ENOSF1: variants seen among roughly 807,000 people sequenced by gnomAD.
The protein encoded by ENOSF1 is mitochondrial enolase superfamily member 1.
ENOSF1 carries 73 observed loss-of-function variants against 68.2 expected under a neutral mutation model. The ratio of observed to expected loss-of-function variants is 1.07; its 90% CI spans 0.89 to 1.30. The LOEUF is 1.30. Among genes scored for constraint, ENOSF1 ranks in the 50% most tolerant of loss-of-function variants. The pLI, the probability that ENOSF1 is intolerant of heterozygous loss-of-function variation, is 0.00. For missense variants in ENOSF1, 589 were observed against 554.5 expected (o/e 1.06, Z -0.62); for synonymous variants, 223 against 210.4 (o/e 1.06, Z -0.52).
intron 2 of ENOSF1, among the ~76,000 whole-genome samples, chr18:701,184 C>CT (rs2078303564): frequency 6.6e-6 from 1 of 152,076 alleles, no homozygotes; most frequent in South Asian, 2.1e-4. Context: ...CTTTGTACAT[C>CT]TTTTTCTATT....
downstream of ENOSF1, among the ~76,000 whole-genome samples, chr18:666,724 G>A (rs924104475): frequency 1.3e-5 from 2 of 152,240 alleles, no homozygotes; most frequent in African/African-American, 2.4e-5. Flanking sequence ...TCTGTTAAAT[G>A]TTAGCAACTT....
downstream of ENOSF1, among the ~76,000 whole-genome samples, chr18:667,077 AGATGGT>A (rs1253862846): frequency 9.8e-5 from 4 of 40,750 alleles, 1 homozygote; most frequent in African/African-American, 4.8e-4. Flanking sequence ...ATGGTGATGG[AGATGGT>A]GATGGTGATG....
Position 682,138 on chromosome 18 carries a change from T to C in ENOSF1, c.876+1108A>G, listed in dbSNP as rs796480903. Among the ~76,000 whole-genome samples the C allele has an allele frequency of 2.0e-4, 30 of 152,308 alleles. 1 individual carries two copies. Among genetic ancestry groups the C allele is most frequent in the African/African-American group, 7.2e-4 (30 of 41,572 alleles). On this transcript the variant is annotated intron_variant, in intron 11 of 15. Coordinates refer to ENST00000647584, the MANE Select transcript of ENOSF1 (RefSeq NM_017512.7). ...AGGATGTGGCTATAAGCCACATGAATGTACAGTCGTGTCACTGAATGACAA... is the reference window on the plus strand; with the variant it reads ...AGGATGTGGCTATAAGCCACATGAACGTACAGTCGTGTCACTGAATGACAA...
At chr18:704,988 AC>A (rs2078779563) in intron 2 of ENOSF1, among the ~76,000 whole-genome samples, 2 of 152,194 alleles carry the variant, frequency 1.3e-5, no homozygotes, top group Non-Finnish European at 2.9e-5. Flanking sequence ...TTGCTGGACA[AC>A]TGACCGCCAG....
chr18:688,539 C>T (rs1568063727), intron 9 of ENOSF1, 35 bp downstream of exon 9: 1 of 1,613,854 alleles, frequency 6.2e-7, no homozygotes, highest in Admixed American at 1.7e-5. Context: ...TCTCCTGCCG[C>T]CAACTGGGAA....
At chr18:693,814 A>G (rs2077444566) in intron 5 of ENOSF1, 68 bp downstream of exon 5, 1 of 1,606,888 alleles carries the variant, frequency 6.2e-7, no homozygotes, top group African/African-American at 1.3e-5. Flanking sequence ...CTGATCATCA[A>G]AAGGCATGTC....
chr18:688,332 C>T (rs189877950), intron 9 of ENOSF1: 25 of 508,706 alleles, frequency 4.9e-5, no homozygotes, highest in African/African-American at 2.9e-4. Flanking sequence ...GGTTAGTGCC[C>T]GAAATAAACA....
Position 670,594 on chromosome 18 carries a change from A to C in ENOSF1, c.*3711T>G. The C allele has an allele frequency of 7.5e-7, 1 of 1,341,344 alleles. No individual in the cohort carries two copies. Among genetic ancestry groups the C allele is most frequent in the Non-Finnish European group, 1.0e-6 (1 of 962,538 alleles). 83.1% of individuals were successfully genotyped at this position (1,341,344 alleles called of 1,614,324 possible). A position where few individuals can be genotyped will look rare whatever the true frequency, so the allele number is the denominator to read the frequency against. ...GTGGCTCTCTCTCCTGGTCTCCACC[A>C]TATGAGTTGGCTTCTGTTTCTCTCC... is the stretch of plus-strand genomic sequence containing the variant. On this transcript the variant is annotated 3_prime_UTR_variant, in exon 16 of 16. Coordinates refer to ENST00000647584, the MANE Select transcript of ENOSF1 (RefSeq NM_017512.7).
intron 8 of ENOSF1, 128 bp from the exon 9 acceptor site, chr18:688,736 G>C: frequency 1.3e-6 from 1 of 786,932 alleles, no homozygotes; most frequent in East Asian, 2.7e-5. Flanking sequence ...CCCATGTGTT[G>C]TTGAAATTAA....
chr18:674,570 G>A (rs1195693922), intron 15 of ENOSF1, among the ~76,000 whole-genome samples, 164 bp from the exon 16 acceptor site: 1 of 152,046 alleles, frequency 6.6e-6, no homozygotes, highest in Non-Finnish European at 1.5e-5. Flanking sequence ...CCAGGCTGCA[G>A]TGCAGTGGCG....
chr18:710,724 T>A (rs1438438389), intron 1 of ENOSF1, among the ~76,000 whole-genome samples: 1 of 152,202 alleles, frequency 6.6e-6, no homozygotes, highest in African/African-American at 2.4e-5. Context: ...TACAGGTATC[T>A]CATTTACATG....
At chr18:677,593 A>G in intron 13 of ENOSF1, 149 bp from the exon 14 acceptor site, 1 of 1,304,948 alleles carries the variant, frequency 7.7e-7, no homozygotes, top group Non-Finnish European at 1.1e-6. Flanking sequence ...AAATCATCAA[A>G]AATTCCCGGA....
In ENOSF1 at chr18:691,097, T is replaced by C. The variant is rs757436341; in HGVS notation, c.506A>G (p.Gln169Arg). 1 of 1,614,240 alleles carries C rather than the reference T, an allele frequency of 6.2e-7. No homozygotes were observed. The highest frequency in any genetic ancestry group is 1.1e-5 in the South Asian group (1 of 91,078). The change falls in exon 7 of 16, where the codon CAG (glutamine) becomes CGG (arginine). Residue 169 changes from glutamine to arginine, a missense_variant. By Grantham distance (43) the Gln-to-Arg change is conservative. Coordinates refer to ENST00000647584, the MANE Select transcript of ENOSF1 (RefSeq NM_017512.7). ...TTCTTTTTTACCAATTTGACCTTTC[T>C]GCAGTATTTCTGGAAGAAATAAAAA... ...LTEEDALEIL[Q>R]KGQIGKKERE...
At chr18:692,460 T>G (rs2077280250) in intron 5 of ENOSF1, 1 of 154,242 alleles carries the variant, frequency 6.5e-6, no homozygotes, top group African/African-American at 2.4e-5. Flanking sequence ...TACAAAAAAT[T>G]AGCTGGGCAT....
At chr18:690,398 G>A in intron 8 of ENOSF1, 151 bp downstream of exon 8, 2 of 801,352 alleles carry the variant, frequency 2.5e-6, no homozygotes, top group South Asian at 1.6e-5. Flanking sequence ...GGTGTCCACA[G>A]AGAAGTGGAG....
At chr18:704,007 T>C (rs2078654413) in intron 2 of ENOSF1, among the ~76,000 whole-genome samples, 1 of 152,174 alleles carries the variant, frequency 6.6e-6, no homozygotes, top group Non-Finnish European at 1.5e-5. Context: ...ACCATGATTG[T>C]AAGTGTCCTG....
At chr18:674,957 G>A (rs1404473185) in intron 15 of ENOSF1, among the ~76,000 whole-genome samples, 1 of 152,226 alleles carries the variant, frequency 6.6e-6, no homozygotes, top group African/African-American at 2.4e-5. Flanking sequence ...TGGTGAAAAT[G>A]AGCCATGATC....
chr18:665,452 T>G (rs2074801380), downstream of ENOSF1, among the ~76,000 whole-genome samples: 1 of 150,300 alleles, frequency 6.7e-6, no homozygotes, highest in South Asian at 2.1e-4. Flanking sequence ...TTGTTGATCC[T>G]TTCAAAAAAC....
At chr18:695,009 T>A (rs547565421) in intron 3 of ENOSF1, among the ~76,000 whole-genome samples, 104 of 152,340 alleles carry the variant, frequency 6.8e-4, no homozygotes, top group Non-Finnish European at 8.8e-4. Flanking sequence ...TCAGGGAATA[T>A]AACATTGATA....
Sources: allele counts gnomAD v4.1 joint callset (sites outside exome capture counted in the v4.1 genomes callset), GRCh38; gene constraint gnomAD v4.1.1; transcripts MANE v1.5; gene names NCBI Gene and HGNC (gene_info 2026-07-23, HGNC 2026-07-21).